The following PRKACB variants were observed in gnomAD, a reference collection of about 807,000 sequenced individuals.
PRKACB encodes protein kinase cAMP-activated catalytic subunit beta.
Under a neutral mutation model 51.4 loss-of-function variants are expected in PRKACB, and 16 were observed. The ratio of observed to expected loss-of-function variants is 0.31; its 90% CI spans 0.21 to 0.47. PRKACB has a LOEUF of 0.47. Ranked by LOEUF, PRKACB falls within the 20% of genes least tolerant of loss-of-function variation. PRKACB has a pLI of 1.00. For missense variants in PRKACB, 309 were observed against 464.5 expected (o/e 0.67, Z 3.08); for synonymous variants, 147 against 154.4 (o/e 0.95, Z 0.35).
rs1353299523 is a variant in PRKACB, at chr1:84,172,124, A to G, written c.188-7053A>G. Among the ~76,000 whole-genome samples the G allele has an allele frequency of 6.6e-5, 10 of 151,628 alleles. No homozygotes were observed. The Admixed American group carries it at 6.6e-4, about 10-fold the overall frequency. ...GTTGAGGATATAGAGCATCAAGGATATGGTGGGACAATAAATTGATGCTAC... is the reference window on the plus strand; with the variant it reads ...GTTGAGGATATAGAGCATCAAGGATGTGGTGGGACAATAAATTGATGCTAC... On this transcript the variant is annotated intron_variant, in intron 1 of 9. Coordinates refer to ENST00000370685, the MANE Select transcript of PRKACB (RefSeq NM_182948.4).
Position 84,182,326 on chromosome 1 carries a change from A to C in PRKACB, c.376A>C (p.Lys126Gln). The part of the protein sequence containing the change: ...YYAMKILDKQ[K>Q]VVKLKQIEHT... ...TGCCATGAAGATCTTAGATAAGCAG[A>C]AGGTGAGTGTATTTGTTGTTATTTA... The change falls in exon 3 of 10, where the codon AAG becomes CAG. Residue 126 changes from lysine to glutamine, a missense_variant and splice_region_variant. By Grantham distance (53) the Lys-to-Gln change is moderately conservative. Transcript: ENST00000370685. 1 of 1,561,980 alleles carries C rather than the reference A, an allele frequency of 6.4e-7. No individual in the cohort carries two copies. The highest frequency in any genetic ancestry group is 1.4e-5 in the African/African-American group (1 of 73,238).
chr1:84,190,978 T>C (rs1666614614), intron 5 of PRKACB, among the ~76,000 whole-genome samples: 1 of 152,096 alleles, frequency 6.6e-6, no homozygotes, highest in African/African-American at 2.4e-5. Context: ...CTTTTCTTTT[T>C]ATCCAGCTGC....
intron 9 of PRKACB, among the ~76,000 whole-genome samples, chr1:84,223,665 G>A (rs180674598): frequency 1.8e-3 from 278 of 152,050 alleles, no homozygotes; most frequent in African/African-American, 6.5e-3. Context: ...CACCATGCCC[G>A]GCCTGTTTGG....
intron 1 of PRKACB, among the ~76,000 whole-genome samples, chr1:84,124,977 C>T (rs140235954): frequency 4.6e-5 from 7 of 152,324 alleles, no homozygotes; most frequent in East Asian, 1.9e-4. Flanking sequence ...CCACTTTCCT[C>T]ATCCCCATCA....
Position 84,197,756 on chromosome 1 carries a change from G to A in PRKACB, c.715G>A (p.Val239Ile). The stretch of plus-strand genomic sequence containing the variant: ...CACAGACTTTGGGTTTGCCAAAAGA[G>A]TTAAAGGCAGAACTTGGACATTATG... ...QVTDFGFAKR[V>I]KGRTWTLCGT... is the part of the protein sequence containing the mutation. Residue 239 changes from valine (V) to isoleucine (I), a missense_variant, in exon 7 of 10, where the codon GTT becomes ATT. Transcript: ENST00000370685. 1 of 1,611,610 alleles carries A rather than the reference G, an allele frequency of 6.2e-7. No homozygotes were observed. The highest frequency in any genetic ancestry group is 8.5e-7 in the Non-Finnish European group (1 of 1,178,506).
chr1:84,193,597 T>G (rs919776807), intron 5 of PRKACB, among the ~76,000 whole-genome samples: 15 of 152,144 alleles, frequency 9.9e-5, no homozygotes, highest in African/African-American at 3.6e-4. Flanking sequence ...AAGCTGTGAT[T>G]GGTGAGTGAT....
chr1:84,146,458 T>A (rs1654088299), intron 1 of PRKACB, among the ~76,000 whole-genome samples: 1 of 151,952 alleles, frequency 6.6e-6, no homozygotes, highest in Admixed American at 6.6e-5. Flanking sequence ...ATTTCAAAAT[T>A]CCAAGGTTTA....
At chr1:84,212,091 G>A (rs1320328354) in intron 8 of PRKACB, among the ~76,000 whole-genome samples, 1 of 152,128 alleles carries the variant, frequency 6.6e-6, no homozygotes, top group Admixed American at 6.6e-5. Context: ...TTACAGTACT[G>A]TATTATTTAC....
At chr1:84,148,998 C>T (rs1363006824) in intron 1 of PRKACB, among the ~76,000 whole-genome samples, 2 of 152,214 alleles carry the variant, frequency 1.3e-5, no homozygotes, top group African/African-American at 4.8e-5. Flanking sequence ...TCCCAGGTCC[C>T]ACCTAGACCT....
intron 1 of PRKACB, among the ~76,000 whole-genome samples, chr1:84,125,569 A>G (rs554036838): frequency 1.3e-5 from 2 of 152,296 alleles, no homozygotes; most frequent in South Asian, 4.1e-4. Flanking sequence ...TCAGAAATCC[A>G]TCGGGAGTTT....
intron 5 of PRKACB, among the ~76,000 whole-genome samples, chr1:84,189,399 G>GT (rs1558187985): frequency 2.0e-5 from 3 of 150,128 alleles, no homozygotes; most frequent in African/African-American, 7.3e-5. Flanking sequence ...AGAAAACTTC[G>GT]TTTTTCTAGG....
At chr1:84,200,927 C>T (rs1669921509) in intron 7 of PRKACB, among the ~76,000 whole-genome samples, 1 of 151,970 alleles carries the variant, frequency 6.6e-6, no homozygotes, top group Non-Finnish European at 1.5e-5. Flanking sequence ...GTAAATGTAC[C>T]ATAAAATATG....
At position 84,108,368 on chromosome 1, in the gene PRKACB, A is replaced by G. The variant is rs75909809; in HGVS notation, c.46+29997A>G. The stretch of plus-strand genomic sequence containing the variant: ...GGGACAGGTTCAGAAGAAAAAGAAG[A>G]AAAGAAAAAGAAAAACTATTGGGTA... On this transcript the variant is annotated intron_variant, in intron 1 of 8. Coordinates refer to the PRKACB transcript ENST00000370688. 8.8e-3 allele frequency among the ~76,000 whole-genome samples: 1,332 copies of G among 152,030 alleles called. 22 individuals are homozygous for G. Among genetic ancestry groups the G allele is most frequent in the African/African-American group, 0.031 (1,271 of 41,516 alleles).
At chr1:84,103,592 T>C (rs1177210169) in intron 1 of PRKACB, among the ~76,000 whole-genome samples, 3 of 152,234 alleles carry the variant, frequency 2.0e-5, no homozygotes, top group Admixed American at 1.3e-4. Context: ...TCATTTGGGC[T>C]GTTCCAGCTT....
chr1:84,125,457 A>T (rs895656442), intron 1 of PRKACB, among the ~76,000 whole-genome samples: 3 of 152,220 alleles, frequency 2.0e-5, no homozygotes, highest in Non-Finnish European at 4.4e-5. Flanking sequence ...GTCACTAATT[A>T]GTAGCCTTAA....
chr1:84,182,385 C>T, intron 3 of PRKACB, 57 bp downstream of exon 3: 1 of 1,332,836 alleles, frequency 7.5e-7, no homozygotes, highest in Non-Finnish European at 1.0e-6. Context: ...ATCAGCTAGA[C>T]TATTAAACAG....
chr1:84,174,915 T>A (rs531558639), intron 1 of PRKACB: 1 of 920,810 alleles, frequency 1.1e-6, no homozygotes, highest in African/African-American at 1.8e-5. Flanking sequence ...TAATTGAATT[T>A]CTACATTAAC....
chr1:84,125,429 T>C (rs1651493978), intron 1 of PRKACB, among the ~76,000 whole-genome samples: 1 of 152,170 alleles, frequency 6.6e-6, no homozygotes, highest in Non-Finnish European at 1.5e-5. Flanking sequence ...ACCTAAGTAA[T>C]CCAGAGGAAT....
chr1:84,081,308 G>A (rs1381758392), intron 1 of PRKACB, among the ~76,000 whole-genome samples: 1 of 152,004 alleles, frequency 6.6e-6, no homozygotes. Context: ...CATTTTCTGG[G>A]GTAAGACCTA....
Sources: allele counts gnomAD v4.1 joint callset (sites outside exome capture counted in the v4.1 genomes callset), GRCh38; gene constraint gnomAD v4.1.1; transcripts MANE v1.5; gene names NCBI Gene and HGNC (gene_info 2026-07-23, HGNC 2026-07-21).